IL15RA: variants seen among roughly 807,000 people sequenced by gnomAD.
IL15RA encodes the protein interleukin-15 receptor subunit alpha.
A neutral mutation model predicts 24.2 loss-of-function variants in IL15RA; 26 were observed. The observed-to-expected ratio is 1.07, with a 90% CI of 0.79 to 1.49. IL15RA has a LOEUF of 1.49. IL15RA is among the 40% of genes most tolerant of loss of function. The pLI, the probability that IL15RA is intolerant of heterozygous loss-of-function variation, is 0.00. For missense variants in IL15RA, 354 were observed against 356.4 expected (o/e 0.99, Z 0.05); for synonymous variants, 166 against 157.6 (o/e 1.05, Z -0.40).
In IL15RA at chr10:5,966,417, A is replaced by G; in HGVS notation, c.89-78T>C. Reference sequence around the variant, plus strand: ...GCGTTCTCCAGGCACACGCAGCGGTAGTCAGTGTCCAGCTTATCCTAGGGG... The same window carrying G: ...GCGTTCTCCAGGCACACGCAGCGGTGGTCAGTGTCCAGCTTATCCTAGGGG... On this transcript the variant is annotated intron_variant, in intron 1 of 6. Transcript: ENST00000379977. The surrounding 1 kb of genome is among the most constrained non-coding windows in gnomAD (Gnocchi z 6.4). The G allele has an allele frequency of 8.1e-7, 1 of 1,227,134 alleles. No individual in the cohort carries two copies. The highest frequency in any genetic ancestry group is 1.2e-6 in the Non-Finnish European group (1 of 853,570). The allele number at this position is 1,227,134 out of a possible 1,614,324, so 76.0% of individuals were successfully genotyped here.
In IL15RA at chr10:5,958,242, GA is replaced by G. The variant is rs1834870636; in HGVS notation, c.616+1511del. 1 of 403,952 alleles carries G rather than the reference GA, an allele frequency of 2.5e-6. No homozygotes were observed. The allele number at this position is 403,952 out of a possible 1,614,324, so 25.0% of individuals were successfully genotyped here. On this transcript the variant is annotated intron_variant, in intron 5 of 6. Transcript: ENST00000379977. The surrounding 1 kb of genome is among the most constrained non-coding windows in gnomAD (Gnocchi z 4.3). ...AGCAAGTGGAAACAAACATGGTACAGAAAAGGAGAAAAGAAGCAACTGTCCA... is the reference window on the plus strand; with the variant it reads ...AGCAAGTGGAAACAAACATGGTACAGAAAGGAGAAAAGAAGCAACTGTCCA...
Position 5,963,714 on chromosome 10 carries a change from T to C in IL15RA, c.382+29A>G. On this transcript the variant is annotated intron_variant, in intron 3 of 6. Coordinates refer to ENST00000379977, the MANE Select transcript of IL15RA (RefSeq NM_002189.4). This position sits in a 1 kb window ranked among gnomAD's most constrained non-coding sequence, Gnocchi z 5.3. ...CCTCTGGGTGTTGGGAGGGAATGAA[T>C]GTCCTCGAGAAGTTTCTGACCTTCC... The C allele has an allele frequency of 2.8e-6, 4 of 1,425,344 alleles. No individual in the cohort carries two copies. Among genetic ancestry groups the C allele is most frequent in the Non-Finnish European group, 3.8e-6 (4 of 1,066,464 alleles). The allele number at this position is 1,425,344 out of a possible 1,614,324, so 88.3% of individuals were successfully genotyped here.
In IL15RA at chr10:5,972,419, G is replaced by C. The variant is rs142570555; in HGVS notation, c.88+4986C>G. ...GACAGAGTCTCGCTTTGTCGCCCAG[G>C]CTGGAATGCAGTGGACAAGTGTTTG... On this transcript the variant is annotated intron_variant, in intron 1 of 6. Transcript: ENST00000379977. 2.9e-3 allele frequency among the ~76,000 whole-genome samples: 448 copies of C among 152,168 alleles called. 1 individual carries two copies. Among genetic ancestry groups the C allele is most frequent in the African/African-American group, 9.7e-3 (401 of 41,488 alleles).
chr10:5,949,602 C>A (rs1833734392), downstream of IL15RA, among the ~76,000 whole-genome samples: 1 of 152,162 alleles, frequency 6.6e-6, no homozygotes, highest in African/African-American at 2.4e-5. This position sits in a 1 kb window ranked among gnomAD's most constrained non-coding sequence, Gnocchi z 4.4. Flanking sequence ...CCTTGGGGAA[C>A]AGGGGGGTGA....
rs8177655 is a variant in IL15RA at position 5,973,156 on chromosome 10, G to A, written c.88+4249C>T. On this transcript the variant is annotated intron_variant, in intron 1 of 6. Coordinates refer to ENST00000379977, the MANE Select transcript of IL15RA (RefSeq NM_002189.4). This position sits in a 1 kb window ranked among gnomAD's most constrained non-coding sequence, Gnocchi z 4.5. ...TGACCTTCTACCCAACATAATGGAC[G>A]CCCCTGCACATCAGGCCTTTTAAAT... is the stretch of plus-strand genomic sequence containing the variant. Among the ~76,000 whole-genome samples, 44,231 of 152,040 alleles carry A rather than the reference G, an allele frequency of 0.29. 6,622 individuals are homozygous for A. The highest frequency in any genetic ancestry group is 0.35 in the South Asian group (1,689 of 4,810).
intron 6 of IL15RA, among the ~76,000 whole-genome samples, chr10:5,954,449 T>C (rs573814326): frequency 6.6e-6 from 1 of 150,980 alleles, no homozygotes; most frequent in South Asian, 2.1e-4. Context: ...TTTTTGAGCT[T>C]TTTAAAAATT....
At position 5,968,869 on chromosome 10, in the gene IL15RA, G is replaced by A; in HGVS notation, c.89-2530C>T. ...CAGGCCTCGTGTGTCTGGACCTCAT[G>A]GTTGAAGCTTTCAGATATTCTGCTC... On this transcript the variant is annotated intron_variant, in intron 1 of 6. Transcript: ENST00000379977. This position sits in a 1 kb window ranked among gnomAD's most constrained non-coding sequence, Gnocchi z 5.4. 1.7e-6 allele frequency: 2 copies of A among 1,183,300 alleles called. No individual in the cohort carries two copies. Among genetic ancestry groups the A allele is most frequent in the Non-Finnish European group, 2.4e-6 (2 of 824,756 alleles). 73.3% of individuals were successfully genotyped at this position (1,183,300 alleles called of 1,614,324 possible).
rs1192928071 is a variant in IL15RA at position 5,968,834 on chromosome 10, G to A, written c.89-2495C>T. 6.0e-6 allele frequency: 5 copies of A among 837,132 alleles called. No individual in the cohort carries two copies. The Admixed American group carries it at 8.0e-5, about 13-fold the overall frequency. The allele number at this position is 837,132 out of a possible 1,614,324, so 51.9% of individuals were successfully genotyped here. ...ACTGGGGGCAGTTTTCCATTGTCCT[G>A]AGTCTCACGCAGGCCTCGTGTGTCT... On this transcript the variant is annotated intron_variant, in intron 1 of 6. Coordinates refer to ENST00000379977, the MANE Select transcript of IL15RA (RefSeq NM_002189.4). This position sits in a 1 kb window ranked among gnomAD's most constrained non-coding sequence, Gnocchi z 5.4.
In IL15RA at chr10:5,966,077, G is replaced by A. The variant is rs750005192; in HGVS notation, c.283+68C>T. 98 of 1,125,526 alleles carry A rather than the reference G, an allele frequency of 8.7e-5. No homozygotes were observed. Among genetic ancestry groups the A allele is most frequent in the Non-Finnish European group, 1.2e-4 (94 of 756,606 alleles). The allele number at this position is 1,125,526 out of a possible 1,614,324, so 69.7% of individuals were successfully genotyped here. On this transcript the variant is annotated intron_variant, in intron 2 of 6. Transcript: ENST00000379977. This position sits in a 1 kb window ranked among gnomAD's most constrained non-coding sequence, Gnocchi z 6.4. ...ACAGATCCCTTGACCCCTGAGATGG[G>A]GTCTTCTCTCTGTGCAGCCTTGGCA...
At chr10:5,950,186 G>C (rs1156811801), downstream of IL15RA, among the ~76,000 whole-genome samples, 1 of 152,124 alleles carries the variant, frequency 6.6e-6, no homozygotes, top group African/African-American at 2.4e-5. This position sits in a 1 kb window ranked among gnomAD's most constrained non-coding sequence, Gnocchi z 5.6. Flanking sequence ...AAATGTGTAG[G>C]GCAGGGAAGG....
rs1002634893 is a variant in IL15RA, at chr10:5,965,742, A to G, written c.283+403T>C. On this transcript the variant is annotated intron_variant, in intron 2 of 6. Coordinates refer to ENST00000379977, the MANE Select transcript of IL15RA (RefSeq NM_002189.4). This position sits in a 1 kb window ranked among gnomAD's most constrained non-coding sequence, Gnocchi z 5.8. Reference sequence around the variant, plus strand: ...TTTCTTTTTTTCTTTCTTTTTTGAGATGGAGTCTTGCTGTGTCACCCAGGC... The same window carrying G: ...TTTCTTTTTTTCTTTCTTTTTTGAGGTGGAGTCTTGCTGTGTCACCCAGGC... Among the ~76,000 whole-genome samples, 17 of 152,072 alleles carry G rather than the reference A, an allele frequency of 1.1e-4. No homozygotes were observed. Among genetic ancestry groups the G allele is most frequent in the African/African-American group, 3.9e-4 (16 of 41,376 alleles).
Position 5,966,088 on chromosome 10 carries a change from T to C in IL15RA, c.283+57A>G, listed in dbSNP as rs1836474861. 5 of 1,238,858 alleles carry C rather than the reference T, an allele frequency of 4.0e-6. No homozygotes were observed. The highest frequency in any genetic ancestry group is 5.9e-6 in the Non-Finnish European group (5 of 853,598). The allele number at this position is 1,238,858 out of a possible 1,614,324, so 76.7% of individuals were successfully genotyped here. The stretch of plus-strand genomic sequence containing the variant: ...GACCCCTGAGATGGGGTCTTCTCTC[T>C]GTGCAGCCTTGGCAGGGTGGGGGAG... On this transcript the variant is annotated intron_variant, in intron 2 of 6. Coordinates refer to ENST00000379977, the MANE Select transcript of IL15RA (RefSeq NM_002189.4). This position sits in a 1 kb window ranked among gnomAD's most constrained non-coding sequence, Gnocchi z 6.4.
chr10:5,958,403 T>G lies in IL15RA; in HGVS notation c.616+1351A>C, dbSNP rs1487995370. On this transcript the variant is annotated intron_variant, in intron 5 of 6. Coordinates refer to ENST00000379977, the MANE Select transcript of IL15RA (RefSeq NM_002189.4). This position sits in a 1 kb window ranked among gnomAD's most constrained non-coding sequence, Gnocchi z 4.3. Reference sequence around the variant, plus strand: ...TGGGATTTGCTTTTCGTCTTTTTTTTGAGACAGGGTCCTGTCCTGTTGCCC... The same window carrying G: ...TGGGATTTGCTTTTCGTCTTTTTTTGGAGACAGGGTCCTGTCCTGTTGCCC... 4.7e-6 allele frequency: 2 copies of G among 423,478 alleles called. No individual in the cohort carries two copies. Among genetic ancestry groups the G allele is most frequent in the Non-Finnish European group, 9.6e-6 (2 of 208,546 alleles). 26.2% of individuals were successfully genotyped at this position (423,478 alleles called of 1,614,324 possible).
rs866411430 is a variant in IL15RA, at chr10:5,968,434, C to T, written c.89-2095G>A. On this transcript the variant is annotated intron_variant, in intron 1 of 6. Coordinates refer to ENST00000379977, the MANE Select transcript of IL15RA (RefSeq NM_002189.4). This position sits in a 1 kb window ranked among gnomAD's most constrained non-coding sequence, Gnocchi z 5.4. Reference sequence around the variant, plus strand: ...GCCTTCTCCTCTGTCACAGGGGCAGCGCTCTGCTCACTTCCTGTCTCAGGC... The same window carrying T: ...GCCTTCTCCTCTGTCACAGGGGCAGTGCTCTGCTCACTTCCTGTCTCAGGC... Among the ~76,000 whole-genome samples the T allele has an allele frequency of 2.0e-5, 3 of 152,190 alleles. No individual in the cohort carries two copies. Among genetic ancestry groups the T allele is most frequent in the African/African-American group, 7.2e-5 (3 of 41,446 alleles).
chr10:5,966,412 G>T lies in IL15RA; in HGVS notation c.89-73C>A. ...AAGAGGCGTTCTCCAGGCACACGCA[G>T]CGGTAGTCAGTGTCCAGCTTATCCT... is the stretch of plus-strand genomic sequence containing the variant. On this transcript the variant is annotated intron_variant, in intron 1 of 6. Transcript: ENST00000379977. The surrounding 1 kb of genome is among the most constrained non-coding windows in gnomAD (Gnocchi z 6.4). 7.9e-7 allele frequency: 1 copy of T among 1,269,092 alleles called. No homozygotes were observed. The highest frequency in any genetic ancestry group is 1.1e-6 in the Non-Finnish European group (1 of 889,074). The allele number at this position is 1,269,092 out of a possible 1,614,324, so 78.6% of individuals were successfully genotyped here.
At position 5,952,850 on chromosome 10, in the gene IL15RA, T is replaced by C; in HGVS notation, c.*245A>G. On this transcript the variant is annotated 3_prime_UTR_variant, in exon 7 of 7. Transcript: ENST00000379977. ...CTGCTCAGAAGCCTTTGGTCTCTCC[T>C]GGGAAGCTGGGCCCTGGGTCCAAGG... The C allele has an allele frequency of 1.7e-6, 1 of 590,132 alleles. No individual in the cohort carries two copies. Among genetic ancestry groups the C allele is most frequent in the Non-Finnish European group, 3.0e-6 (1 of 332,354 alleles). The allele number at this position is 590,132 out of a possible 1,614,324, so 36.6% of individuals were successfully genotyped here.
chr10:5,972,489 A>G (rs1041386644), intron 1 of IL15RA, among the ~76,000 whole-genome samples: 1 of 152,250 alleles, frequency 6.6e-6, no homozygotes, highest in Non-Finnish European at 1.5e-5. Context: ...ATTGCCAGAC[A>G]AGATCAGCTA....
Position 5,955,957 on chromosome 10 carries a change from G to A in IL15RA, c.692+422C>T, listed in dbSNP as rs1289300233. 6.6e-6 allele frequency among the ~76,000 whole-genome samples: 1 copy of A among 152,148 alleles called. No homozygotes were observed. The highest frequency in any genetic ancestry group is 2.4e-5 in the African/African-American group (1 of 41,444). The stretch of plus-strand genomic sequence containing the variant: ...GAGAAGGGGTGTGTGAGAGCCGATG[G>A]CCAGGAAAGGCGTCCTTCTTGGGAG... On this transcript the variant is annotated intron_variant, in intron 6 of 6. Coordinates refer to ENST00000379977, the MANE Select transcript of IL15RA (RefSeq NM_002189.4). This position sits in a 1 kb window ranked among gnomAD's most constrained non-coding sequence, Gnocchi z 5.3.
Position 5,965,370 on chromosome 10 carries a change from A to G in IL15RA, c.283+775T>C, listed in dbSNP as rs1836332720. Among the ~76,000 whole-genome samples the G allele has an allele frequency of 6.6e-6, 1 of 152,252 alleles. No homozygotes were observed. The highest frequency in any genetic ancestry group is 2.4e-5 in the African/African-American group (1 of 41,468). Reference sequence around the variant, plus strand: ...GAGAGAGGAGCAGTGATGGCTTCCAACATCCACCTTCTCATGGGAAATCCA... The same window carrying G: ...GAGAGAGGAGCAGTGATGGCTTCCAGCATCCACCTTCTCATGGGAAATCCA... On this transcript the variant is annotated intron_variant, in intron 2 of 6. Coordinates refer to ENST00000379977, the MANE Select transcript of IL15RA (RefSeq NM_002189.4). This position sits in a 1 kb window ranked among gnomAD's most constrained non-coding sequence, Gnocchi z 5.8.
Sources: gnomAD v4.1 joint callset for allele counts (sites outside exome capture counted in the v4.1 genomes callset) on GRCh38, gnomAD v4.1.1 for gene constraint, Gnocchi (gnomAD v3.1) non-coding constraint, MANE v1.5 for transcripts, NCBI Gene and HGNC (gene_info 2026-07-23, HGNC 2026-07-21) for gene names.